VPS39: variants seen among roughly 807,000 people sequenced by gnomAD.
VPS39 encodes the protein vam6/Vps39-like protein.
VPS39 carries 70 observed loss-of-function variants against 121.0 expected under a neutral mutation model. The observed-to-expected ratio is 0.58, with a 90% CI of 0.48 to 0.71. The LOEUF is 0.71. VPS39 is among the 30% of genes least tolerant of loss of function. The pLI, the probability that VPS39 is intolerant of heterozygous loss-of-function variation, is 0.00. For missense variants in VPS39, 818 were observed against 1,051.5 expected, an observed-to-expected ratio of 0.78 and a Z score of 3.07; for synonymous variants, 378 against 398.1, an observed-to-expected ratio of 0.95 and a Z score of 0.60.
In VPS39 at chr15:42,181,654, A is replaced by G. The variant is rs191578994; in HGVS notation, c.718+2863T>C. ...CCACATAGAAATTTAACTTCAAAAT[A>G]TATATTCATAAAAATAATTTCTTAG... On this transcript the variant is annotated intron_variant, in intron 8 of 24. Transcript: ENST00000318006. 1.8e-3 allele frequency among the ~76,000 whole-genome samples: 279 copies of G among 152,294 alleles called. 1 individual carries two copies. Among genetic ancestry groups the G allele is most frequent in the Non-Finnish European group, 2.9e-3 (200 of 68,032 alleles).
chr15:42,205,901 C>T (rs1029088585), intron 1 of VPS39, among the ~76,000 whole-genome samples: 1 of 152,088 alleles, frequency 6.6e-6, no homozygotes, highest in Non-Finnish European at 1.5e-5. Context: ...AGATGGGATA[C>T]AGTGTAAAAC....
At chr15:42,166,731 G>C (rs372859166) in intron 14 of VPS39, 41 bp downstream of exon 14, 10 of 1,613,524 alleles carry the variant, frequency 6.2e-6, no homozygotes, top group Non-Finnish European at 8.5e-6. Flanking sequence ...CCCCTGCCAT[G>C]TACAAGAGCC....
At chr15:42,197,269 T>C (rs1468017985) in intron 2 of VPS39, among the ~76,000 whole-genome samples, 5 of 148,478 alleles carry the variant, frequency 3.4e-5, no homozygotes, top group Admixed American at 1.4e-4. Flanking sequence ...GGCACATGTA[T>C]ACATATGTAA....
rs768422808 is a variant in VPS39, at chr15:42,199,878, T to A, written c.139+18A>T. ...GACTATTAAAACTTATTTTTTTGCATGAGCAATGTGCACTTACCAACGTCC... is the reference window on the plus strand; with the variant it reads ...GACTATTAAAACTTATTTTTTTGCAAGAGCAATGTGCACTTACCAACGTCC... On this transcript the variant is annotated intron_variant, in intron 2 of 24. Coordinates refer to ENST00000318006, the MANE Select transcript of VPS39 (RefSeq NM_015289.5). The A allele has an allele frequency of 6.4e-7, 1 of 1,562,680 alleles. No homozygotes were observed. Among genetic ancestry groups the A allele is most frequent in the Non-Finnish European group, 8.6e-7 (1 of 1,163,266 alleles).
intron 17 of VPS39, 154 bp from the exon 18 acceptor site, chr15:42,165,267 C>T (rs2049219588): frequency 1.5e-6 from 1 of 681,544 alleles, no homozygotes; most frequent in South Asian, 1.9e-5. Flanking sequence ...TCTAAAGCCA[C>T]CAGGAAGTTT....
At chr15:42,200,026 G>A (rs957361612) in intron 1 of VPS39, 65 bp from the exon 2 acceptor site, 2 of 1,477,034 alleles carry the variant, frequency 1.4e-6, no homozygotes, top group African/African-American at 1.5e-5. Flanking sequence ...AGGTCAATCA[G>A]CTTGAGTATA....
chr15:42,160,757 A>G lies in VPS39; in HGVS notation c.2625T>C (p.Thr875=), dbSNP rs543326142. ...FCSKEVNPAD[T] The stretch of plus-strand genomic sequence containing the variant: ...CTGGATCCCCAGGATGCTGGGCTCA[A>G]GTGTCAGCTGGGTTTACCTCTTTGG... Residue 875 remains threonine (T), a synonymous_variant, in exon 25 of 25, where the codon ACT becomes ACC. Coordinates refer to ENST00000318006, the MANE Select transcript of VPS39 (RefSeq NM_015289.5). 6.2e-7 allele frequency: 1 copy of G among 1,614,074 alleles called. No homozygotes were observed. Among genetic ancestry groups the G allele is most frequent in the Admixed American group, 1.7e-5 (1 of 60,032 alleles).
intron 12 of VPS39, among the ~76,000 whole-genome samples, chr15:42,169,050 CTGTCTA>C (rs1417534243): frequency 6.6e-6 from 1 of 152,180 alleles, no homozygotes; most frequent in Non-Finnish European, 1.5e-5. Flanking sequence ...AAAAATGTAT[CTGTCTA>C]TAACAGTAAA....
intron 1 of VPS39, 102 bp from the exon 2 acceptor site, chr15:42,200,063 A>G: frequency 8.9e-7 from 1 of 1,125,618 alleles, no homozygotes; most frequent in Admixed American, 3.5e-5. Flanking sequence ...TGGGGCTTGT[A>G]ATCAGAAATC....
At chr15:42,174,042 T>C (rs1159977845) in intron 10 of VPS39, among the ~76,000 whole-genome samples, 190 bp from the exon 11 acceptor site, 4 of 151,824 alleles carry the variant, frequency 2.6e-5, no homozygotes, top group East Asian at 1.9e-4. Context: ...GGTCAGGAGA[T>C]TGAGACCATC....
chr15:42,208,267 G>A lies in VPS39; in HGVS notation c.-114C>T, dbSNP rs1193180303. 1 of 1,368,640 alleles carries A rather than the reference G, an allele frequency of 7.3e-7. No individual in the cohort carries two copies. Among genetic ancestry groups the A allele is most frequent in the Non-Finnish European group, 1.0e-6 (1 of 1,004,906 alleles). The allele number at this position is 1,368,640 out of a possible 1,614,324, so 84.8% of individuals were successfully genotyped here. A position where few individuals can be genotyped will look rare whatever the true frequency, so the allele number is the denominator to read the frequency against. On this transcript the variant is annotated 5_prime_UTR_variant, in exon 1 of 25. Transcript: ENST00000318006. ...CCGGGATCCGGCCAGGAACCCCCCG[G>A]CTACAGGCCCTTCAACAACACAGCC...
intron 21 of VPS39, among the ~76,000 whole-genome samples, chr15:42,163,088 C>A (rs530825980): frequency 1.6e-3 from 242 of 152,282 alleles, no homozygotes; most frequent in African/African-American, 5.7e-3. Context: ...GACAGGCAGA[C>A]CTCATAATTT....
At chr15:42,170,770 T>TTTTTTTA (rs2049332485) in intron 11 of VPS39, among the ~76,000 whole-genome samples, 2 of 141,200 alleles carry the variant, frequency 1.4e-5, no homozygotes, top group East Asian at 2.1e-4. Flanking sequence ...TTTTTTTTTT[T>TTTTTTTA]GAGACAGGGT....
intron 12 of VPS39, among the ~76,000 whole-genome samples, chr15:42,168,048 G>A (rs529190844): frequency 2.0e-5 from 3 of 152,270 alleles, no homozygotes; most frequent in South Asian, 2.1e-4. Context: ...AAAGTTCCTC[G>A]TGCTATTCCC....
intron 2 of VPS39, among the ~76,000 whole-genome samples, chr15:42,197,382 TA>T (rs371188127): frequency 0.077 from 10,628 of 137,664 alleles, 845 homozygotes; most frequent in Admixed American, 0.17. Context: ...TAAGTAATGC[TA>T]AAAAAAAAAA....
chr15:42,160,590 C>T lies in VPS39; in HGVS notation c.*164G>A, dbSNP rs1385187626. 4.6e-6 allele frequency: 3 copies of T among 658,466 alleles called. No individual in the cohort carries two copies. The highest frequency in any genetic ancestry group is 3.6e-5 in the African/African-American group (2 of 55,464). 40.8% of individuals were successfully genotyped at this position (658,466 alleles called of 1,614,324 possible). Reference sequence around the variant, plus strand: ...CATTAAAAAGCTGGCAATGCCAGACCATGAGTCTAATTAATTCAGAGTTGT... The same window carrying T: ...CATTAAAAAGCTGGCAATGCCAGACTATGAGTCTAATTAATTCAGAGTTGT... On this transcript the variant is annotated 3_prime_UTR_variant, in exon 25 of 25. Coordinates refer to ENST00000318006, the MANE Select transcript of VPS39 (RefSeq NM_015289.5).
chr15:42,187,752 A>T lies in VPS39; in HGVS notation c.441+6T>A. On this transcript the variant is annotated splice_donor_region_variant and intron_variant, in intron 6 of 24. Coordinates refer to ENST00000318006, the MANE Select transcript of VPS39 (RefSeq NM_015289.5). ...CCAACCATGGACCAAGGAACAGTGG[A>T]CTTACCTGCAATTCATGAAATTCCC... The T allele has an allele frequency of 6.2e-7, 1 of 1,614,060 alleles. No individual in the cohort carries two copies.
chr15:42,187,001 A>C (rs1368412948), intron 7 of VPS39, among the ~76,000 whole-genome samples: 1 of 152,258 alleles, frequency 6.6e-6, no homozygotes, highest in East Asian at 1.9e-4. Flanking sequence ...GACAGAGGCA[A>C]ACAGCCTTCA....
At chr15:42,162,627 T>G in intron 21 of VPS39, 146 bp from the exon 22 acceptor site, 1 of 981,308 alleles carries the variant, frequency 1.0e-6, no homozygotes, top group Non-Finnish European at 1.4e-6. Context: ...ACCTTGTAAA[T>G]TGGTAAGGTC....
Sources: gnomAD v4.1 joint callset for allele counts (sites outside exome capture counted in the v4.1 genomes callset) on GRCh38, gnomAD v4.1.1 for gene constraint, MANE v1.5 for transcripts, NCBI Gene and HGNC (gene_info 2026-07-23, HGNC 2026-07-21) for gene names.